DLC1: variants seen among roughly 807,000 people sequenced by gnomAD.
The protein encoded by DLC1 is DLC1 Rho GTPase activating protein.
Under a neutral mutation model 140.3 loss-of-function variants are expected in DLC1, and 54 were observed. The ratio of observed to expected loss-of-function variants is 0.38; its 90% CI spans 0.31 to 0.48. DLC1 has a LOEUF of 0.48. DLC1 is among the 20% of genes least tolerant of loss of function. The pLI, the probability that DLC1 is intolerant of heterozygous loss-of-function variation, is 0.96. For missense variants in DLC1, 2,536 were observed against 1,907.0 expected (o/e 1.33, Z -6.14); for synonymous variants, 986 against 728.1 (o/e 1.35, Z -5.70).
intron 4 of DLC1, among the ~76,000 whole-genome samples, chr8:13,351,516 A>C (rs1309581027): frequency 6.6e-6 from 1 of 152,266 alleles, no homozygotes; most frequent in Non-Finnish European, 1.5e-5. Flanking sequence ...GTTTGGAAAA[A>C]AAAAGTGACA....
chr8:13,219,864 C>T (rs887065688), intron 5 of DLC1, among the ~76,000 whole-genome samples: 2 of 152,140 alleles, frequency 1.3e-5, no homozygotes, highest in Non-Finnish European at 2.9e-5. Flanking sequence ...AGTACTGATA[C>T]ATGCTACACA....
intron 5 of DLC1, among the ~76,000 whole-genome samples, chr8:13,239,741 TG>T (rs750462616): frequency 1.3e-5 from 2 of 152,052 alleles, no homozygotes; most frequent in Non-Finnish European, 2.9e-5. Context: ...GAGAATCCAG[TG>T]GGGTGATATA....
chr8:13,487,064 G>C (rs920453793), intron 2 of DLC1, among the ~76,000 whole-genome samples: 1 of 152,140 alleles, frequency 6.6e-6, no homozygotes, highest in Admixed American at 6.6e-5. Flanking sequence ...TTTCCTTTTG[G>C]AAGTCCTTTG....
chr8:13,088,848 G>A (rs192255849), intron 15 of DLC1, 144 bp from the exon 16 acceptor site: 69 of 626,016 alleles, frequency 1.1e-4, no homozygotes, highest in South Asian at 9.1e-4. Context: ...TATATAATCA[G>A]TATATAAAGA....
At chr8:13,591,367 G>A (rs1805508917) in intron 1 of DLC1, among the ~76,000 whole-genome samples, 2 of 152,068 alleles carry the variant, frequency 1.3e-5, no homozygotes, top group Admixed American at 1.3e-4. Flanking sequence ...ATGTTCTTGT[G>A]ATAGTGAGTG....
At chr8:13,162,477 C>G (rs1824779635) in intron 5 of DLC1, among the ~76,000 whole-genome samples, 1 of 152,156 alleles carries the variant, frequency 6.6e-6, no homozygotes, top group Admixed American at 6.5e-5. Context: ...TGCCTGCCAC[C>G]AAACCCGGCT....
At chr8:13,137,818 G>A (rs1260286784) in intron 5 of DLC1, among the ~76,000 whole-genome samples, 2 of 151,680 alleles carry the variant, frequency 1.3e-5, no homozygotes, top group African/African-American at 4.8e-5. Flanking sequence ...GACTGGTCTC[G>A]AACTCCTGAT....
At chr8:13,310,037 C>T (rs531872921) in intron 4 of DLC1, among the ~76,000 whole-genome samples, 1 of 151,856 alleles carries the variant, frequency 6.6e-6, no homozygotes, top group East Asian at 1.9e-4. Context: ...CCTCTTAGTT[C>T]TTTAGAATCA....
At chr8:13,463,113 G>T (rs1234642093) in intron 2 of DLC1, among the ~76,000 whole-genome samples, 1 of 151,624 alleles carries the variant, frequency 6.6e-6, no homozygotes, top group African/African-American at 2.4e-5. Context: ...TTTATGAGCT[G>T]GTTTTATTTA....
intron 5 of DLC1, among the ~76,000 whole-genome samples, chr8:13,295,641 G>A (rs940956829): frequency 3.3e-5 from 5 of 152,180 alleles, no homozygotes; most frequent in African/African-American, 9.6e-5. Flanking sequence ...GAACTTCCCT[G>A]CAGAAAACAA....
At chr8:13,585,722 C>T (rs981496193) in intron 1 of DLC1, among the ~76,000 whole-genome samples, 1 of 152,102 alleles carries the variant, frequency 6.6e-6, no homozygotes, top group South Asian at 2.1e-4. Context: ...TGTTCCTTGG[C>T]TTGTAGGAAC....
chr8:13,497,028 C>T (rs965425860), intron 2 of DLC1, among the ~76,000 whole-genome samples: 2 of 151,916 alleles, frequency 1.3e-5, no homozygotes, highest in South Asian at 4.2e-4. Flanking sequence ...TCTCGATCTC[C>T]TGACCTCGTG....
intron 2 of DLC1, among the ~76,000 whole-genome samples, chr8:13,488,915 C>T (rs11984533): frequency 0.72 from 109,335 of 152,022 alleles, 41,462 homozygotes; most frequent in Middle Eastern, 0.88. Context: ...ATTTAGCCAA[C>T]GAATGCATAT....
intron 2 of DLC1, among the ~76,000 whole-genome samples, chr8:13,482,296 C>A (rs986418127): frequency 7.2e-5 from 11 of 152,076 alleles, no homozygotes; most frequent in African/African-American, 2.4e-4. Context: ...ATCTAATGCA[C>A]AGATTGGAGA....
At chr8:13,512,312 A>C (rs1802409445) in intron 1 of DLC1, among the ~76,000 whole-genome samples, 1 of 152,178 alleles carries the variant, frequency 6.6e-6, no homozygotes, top group Non-Finnish European at 1.5e-5. Flanking sequence ...TACATTTATG[A>C]GAAAGGGTCT....
At chr8:13,554,145 C>A (rs1295971970) in intron 1 of DLC1, among the ~76,000 whole-genome samples, 2 of 152,130 alleles carry the variant, frequency 1.3e-5, no homozygotes, top group Non-Finnish European at 2.9e-5. Flanking sequence ...CCACTCACTG[C>A]AACCTCTGCC....
chr8:13,515,734 C>T (rs1341545156), upstream of DLC1: 1 of 152,094 alleles, frequency 6.6e-6, no homozygotes, highest in Non-Finnish European at 1.5e-5. Context: ...ATTTGGACTA[C>T]CATTTGGTTT....
At chr8:13,274,166 G>C (rs150373554) in intron 5 of DLC1, among the ~76,000 whole-genome samples, 50 of 152,278 alleles carry the variant, frequency 3.3e-4, no homozygotes, top group African/African-American at 1.2e-3. Context: ...TGAGTGGAAG[G>C]GTTGAGTGCA....
chr8:13,477,416 G>A (rs755088471), intron 2 of DLC1, among the ~76,000 whole-genome samples: 1 of 152,176 alleles, frequency 6.6e-6, no homozygotes, highest in South Asian at 2.1e-4. Context: ...CCAGGAGCAC[G>A]GATGTACATT....
Sources: allele counts gnomAD v4.1 joint callset (sites outside exome capture counted in the v4.1 genomes callset), GRCh38; gene constraint gnomAD v4.1.1; transcripts MANE v1.5; gene names NCBI Gene and HGNC (gene_info 2026-07-23, HGNC 2026-07-21).